The following NHSL1 variants were observed in gnomAD, a reference collection of about 807,000 sequenced individuals.
NHSL1 encodes NHS-like protein 1.
A neutral mutation model predicts 95.0 loss-of-function variants in NHSL1; 48 were observed. The observed-to-expected ratio is 0.51, with a 90% CI of 0.40 to 0.64. The LOEUF is 0.64. NHSL1 is among the 30% of genes least tolerant of loss of function. The pLI is 0.00. For missense variants in NHSL1, 1,971 were observed against 2,077.7 expected, an observed-to-expected ratio of 0.95 and a Z score of 1.00; for synonymous variants, 783 against 833.9, an observed-to-expected ratio of 0.94 and a Z score of 1.05.
At chr6:138,657,462 T>C (rs1422142904) in intron 1 of NHSL1, among the ~76,000 whole-genome samples, 1 of 152,184 alleles carries the variant, frequency 6.6e-6, no homozygotes, top group African/African-American at 2.4e-5. Context: ...TGTCTGGAAG[T>C]TGGGTGCTTC....
chr6:138,541,930 C>T (rs777070726), intron 1 of NHSL1, among the ~76,000 whole-genome samples: 1 of 152,208 alleles, frequency 6.6e-6, no homozygotes, highest in Non-Finnish European at 1.5e-5. Context: ...TCCCATGCAG[C>T]TGCCCTCAGG....
chr6:138,473,182 T>C, intron 3 of NHSL1, 124 bp downstream of exon 3: 1 of 866,530 alleles, frequency 1.2e-6, no homozygotes, highest in South Asian at 4.8e-5. Flanking sequence ...ACCAAGAAAT[T>C]CACTTGAGAC....
At chr6:138,530,985 T>TA (rs913575296) in intron 1 of NHSL1, among the ~76,000 whole-genome samples, 16 of 150,812 alleles carry the variant, frequency 1.1e-4, no homozygotes, top group South Asian at 2.1e-4. Context: ...ATTTTTTTTT[T>TA]AAAAAAAAGG....
chr6:138,687,575 AAAGT>A (rs1785602480), intron 1 of NHSL1, among the ~76,000 whole-genome samples: 2 of 152,252 alleles, frequency 1.3e-5, no homozygotes, highest in Admixed American at 6.5e-5. Flanking sequence ...TATCAATTAA[AAAGT>A]AATAAGTGTG....
At chr6:138,473,964 T>C (rs749336282) in intron 2 of NHSL1, among the ~76,000 whole-genome samples, 2 of 152,196 alleles carry the variant, frequency 1.3e-5, no homozygotes, top group Non-Finnish European at 2.9e-5. Flanking sequence ...TTAATTTTGA[T>C]GTCAAACAGC....
chr6:138,424,167 C>T lies in NHSL1; in HGVS notation c.4735G>A (p.Ala1579Thr). ...EGPAASLQPQ[A>T]PGPVDGTASA... ...GCTGTCCCATCCACAGGGCCGGGGG[C>T]CTGGGGCTGCAGGGAGGCGGCAGGC... The change falls in exon 8 of 8, where the codon GCC becomes ACC. Residue 1579 changes from alanine to threonine, a missense_variant. Physicochemically the swap from Ala to Thr is moderately conservative, Grantham distance 58. Coordinates refer to ENST00000343505, the MANE Select transcript of NHSL1 (RefSeq NM_001144060.2). The surrounding 1 kb of genome is among the most constrained non-coding windows in gnomAD (Gnocchi z 5.9). 6.9e-7 allele frequency: 1 copy of T among 1,459,828 alleles called. No homozygotes were observed. Among genetic ancestry groups the T allele is most frequent in the East Asian group, 2.5e-5 (1 of 40,234 alleles). 90.4% of individuals were successfully genotyped at this position (1,459,828 alleles called of 1,614,324 possible). A position where few individuals can be genotyped will look rare whatever the true frequency, so the allele number is the denominator to read the frequency against.
At chr6:138,503,393 A>G (rs933572425), upstream of NHSL1, among the ~76,000 whole-genome samples, 1 of 152,236 alleles carries the variant, frequency 6.6e-6, no homozygotes, top group African/African-American at 2.4e-5. Context: ...AGCAGAAGTC[A>G]GCAAATTATG....
intron 1 of NHSL1, among the ~76,000 whole-genome samples, chr6:138,600,118 T>C (rs1257880627): frequency 6.6e-6 from 1 of 152,136 alleles, no homozygotes; most frequent in Admixed American, 6.5e-5. Flanking sequence ...CACGCCAGCC[T>C]GGGCAACAGA....
intron 1 of NHSL1, among the ~76,000 whole-genome samples, chr6:138,657,123 C>T (rs1029438864): frequency 1.2e-4 from 18 of 152,240 alleles, no homozygotes; most frequent in African/African-American, 4.3e-4. Flanking sequence ...AAAAAAAACC[C>T]CTGCATTGGG....
chr6:138,494,258 C>G (rs1192809457), intron 2 of NHSL1, among the ~76,000 whole-genome samples: 1 of 152,138 alleles, frequency 6.6e-6, no homozygotes, highest in Non-Finnish European at 1.5e-5. Context: ...AGGACCCTGC[C>G]TTTGTACTCT....
At chr6:138,562,166 A>T (rs1783435975) in intron 1 of NHSL1, among the ~76,000 whole-genome samples, 1 of 152,212 alleles carries the variant, frequency 6.6e-6, no homozygotes, top group South Asian at 2.1e-4. Context: ...TAAATTTTCC[A>T]ATCACATTTA....
intron 2 of NHSL1, among the ~76,000 whole-genome samples, chr6:138,488,751 T>A (rs1779864944): frequency 6.6e-6 from 1 of 152,154 alleles, no homozygotes; most frequent in Non-Finnish European, 1.5e-5. Flanking sequence ...ATTCCCAGGG[T>A]GAGCTTTGTC....
At chr6:138,487,675 G>T (rs1779808020) in intron 2 of NHSL1, among the ~76,000 whole-genome samples, 1 of 152,186 alleles carries the variant, frequency 6.6e-6, no homozygotes, top group Non-Finnish European at 1.5e-5. Context: ...TTGTTTTTCA[G>T]AGGTGGAAGC....
At chr6:138,639,590 C>T (rs1430209430) in intron 1 of NHSL1, among the ~76,000 whole-genome samples, 6 of 150,094 alleles carry the variant, frequency 4.0e-5, no homozygotes, top group Non-Finnish European at 1.5e-5. Context: ...TGCAGTAAGC[C>T]GAGATCGGGC....
chr6:138,426,934 GA>G (rs1775302575), intron 7 of NHSL1, among the ~76,000 whole-genome samples: 3 of 152,330 alleles, frequency 2.0e-5, no homozygotes, highest in African/African-American at 7.2e-5. Context: ...TGTAGAGCTA[GA>G]AAAGACGTTA....
At chr6:138,502,480 A>AT (rs2128292814), upstream of NHSL1, among the ~76,000 whole-genome samples, 1 of 146,180 alleles carries the variant, frequency 6.8e-6, no homozygotes, top group South Asian at 2.2e-4. Flanking sequence ...CAGTGGCGGA[A>AT]AAAAAAAAAA....
chr6:138,625,858 G>T (rs977905196), intron 1 of NHSL1, among the ~76,000 whole-genome samples: 2 of 152,112 alleles, frequency 1.3e-5, no homozygotes, highest in African/African-American at 4.8e-5. Flanking sequence ...CCCCAGGTGG[G>T]TCTCAAACTC....
intron 1 of NHSL1, among the ~76,000 whole-genome samples, chr6:138,498,757 G>A (rs1376170007): frequency 6.6e-6 from 1 of 152,116 alleles, no homozygotes; most frequent in African/African-American, 2.4e-5. Context: ...AACAAAGAGT[G>A]CCAGGGAGTT....
Position 138,605,178 on chromosome 6 carries a change from C to T in NHSL1, c.96+87298G>A, listed in dbSNP as rs530371532. ...GCATGAAGCACAATTAACTAGACAACGGACCTGACTTGGATTTCACCATTT... is the reference window on the plus strand; with the variant it reads ...GCATGAAGCACAATTAACTAGACAATGGACCTGACTTGGATTTCACCATTT... On this transcript the variant is annotated intron_variant, in intron 1 of 3. Coordinates refer to the NHSL1 transcript ENST00000491526. Among the ~76,000 whole-genome samples, 126 of 152,240 alleles carry T rather than the reference C, an allele frequency of 8.3e-4. 1 individual carries two copies. Among genetic ancestry groups the T allele is most frequent in the African/African-American group, 2.7e-3 (112 of 41,538 alleles).
Sources: gnomAD v4.1 joint callset for allele counts (sites outside exome capture counted in the v4.1 genomes callset) on GRCh38, gnomAD v4.1.1 for gene constraint, Gnocchi (gnomAD v3.1) non-coding constraint, MANE v1.5 for transcripts, NCBI Gene and HGNC (gene_info 2026-07-23, HGNC 2026-07-21) for gene names.